Variants in CFAP70 observed in about 807,000 individuals in gnomAD.
CFAP70 encodes cilia and flagella associated protein 70.
CFAP70 carries 81 observed loss-of-function variants against 137.6 expected under a neutral mutation model. That is an observed-to-expected ratio of 0.59 (90% confidence interval 0.49 to 0.71). The LOEUF (loss-of-function observed/expected upper bound fraction) is 0.71, where lower values mean the gene tolerates loss of function less well. CFAP70 is among the 30% of genes least tolerant of loss of function. The pLI is 0.00. For missense variants in CFAP70, 976 were observed against 1,226.7 expected (o/e 0.80, Z 3.05); for synonymous variants, 382 against 423.6 (o/e 0.90, Z 1.20).
chr10:73,330,811 G>A (rs1023702822), intron 8 of CFAP70, among the ~76,000 whole-genome samples: 1 of 152,120 alleles, frequency 6.6e-6, no homozygotes, highest in African/African-American at 2.4e-5. Context: ...GTATATCTAA[G>A]ATCCCTATTA....
intron 8 of CFAP70, among the ~76,000 whole-genome samples, chr10:73,330,752 T>C (rs138395689): frequency 4.6e-5 from 7 of 152,082 alleles, no homozygotes; most frequent in East Asian, 3.9e-4. Context: ...GGTAAAACAA[T>C]AGATAATATG....
At chr10:73,254,895 G>C (rs372312456) in intron 26 of CFAP70, among the ~76,000 whole-genome samples, 10 of 152,150 alleles carry the variant, frequency 6.6e-5, no homozygotes, top group African/African-American at 2.4e-4. Context: ...ACGAGCCCTG[G>C]ACTTTTCATT....
At chr10:73,258,970 G>A (rs11000565) in intron 25 of CFAP70, among the ~76,000 whole-genome samples, 6,775 of 152,114 alleles carry the variant, frequency 0.045, 397 homozygotes, top group African/African-American at 0.13. Context: ...TTCTAATTTC[G>A]CCCTCGTCCT....
At chr10:73,302,795 G>A (rs2049048292) in intron 12 of CFAP70, among the ~76,000 whole-genome samples, 1 of 151,854 alleles carries the variant, frequency 6.6e-6, no homozygotes, top group Admixed American at 6.6e-5. Context: ...TAGCAGTTTG[G>A]TATACCCATG....
chr10:73,308,460 C>T (rs2049592123), intron 12 of CFAP70, among the ~76,000 whole-genome samples: 1 of 151,888 alleles, frequency 6.6e-6, no homozygotes. Flanking sequence ...GAAACCCCGT[C>T]TCTATTAAAA....
Position 73,275,684 on chromosome 10 carries a change from T to G in CFAP70, c.2521-86A>C. ...GAAGGATTCTGTCTCTGATAATAAA[T>G]AATACGAAATGTATTACAGAATGAA... On this transcript the variant is annotated intron_variant, in intron 21 of 26. Coordinates refer to ENST00000310715, the Ensembl canonical transcript of CFAP70. The surrounding 1 kb of genome is among the most constrained non-coding windows in gnomAD (Gnocchi z 4.0). 8.7e-7 allele frequency: 1 copy of G among 1,150,036 alleles called. No individual in the cohort carries two copies. The highest frequency in any genetic ancestry group is 1.2e-6 in the Non-Finnish European group (1 of 843,726). 71.2% of individuals were successfully genotyped at this position (1,150,036 alleles called of 1,614,324 possible). A position where few individuals can be genotyped will look rare whatever the true frequency, so the allele number is the denominator to read the frequency against.
intron 6 of CFAP70, among the ~76,000 whole-genome samples, chr10:73,338,294 C>T (rs533332903): frequency 2.6e-5 from 4 of 151,746 alleles, no homozygotes; most frequent in South Asian, 2.1e-4. Flanking sequence ...GGGATTCAGG[C>T]GCACACCACT....
chr10:73,302,594 G>C (rs2049030834), intron 12 of CFAP70, among the ~76,000 whole-genome samples: 2 of 152,184 alleles, frequency 1.3e-5, no homozygotes, highest in African/African-American at 2.4e-5. Flanking sequence ...GCTTATATGA[G>C]AGGACCTGTT....
At chr10:73,334,471 T>C (rs2052432112) in intron 7 of CFAP70, among the ~76,000 whole-genome samples, 1 of 152,148 alleles carries the variant, frequency 6.6e-6, no homozygotes, top group African/African-American at 2.4e-5. Context: ...CTTTGCACCA[T>C]GATACAACCT....
At chr10:73,341,260 A>G (rs2053224152) in intron 6 of CFAP70, 139 bp downstream of exon 7, 1 of 697,126 alleles carries the variant, frequency 1.4e-6, no homozygotes, top group African/African-American at 1.8e-5. Context: ...TTTGAATCAG[A>G]ATTAGATATG....
chr10:73,331,009 CT>C, intron 8 of CFAP70, among the ~76,000 whole-genome samples, 167 bp downstream of exon 9: 1 of 152,152 alleles, frequency 6.6e-6, no homozygotes, highest in East Asian at 1.9e-4. Context: ...GGACATGAGA[CT>C]TTCAGTGCTA....
At chr10:73,345,699 GGAGGCTGAGGCAGGAGAATCGCTTGA>G (rs777933584) in intron 4 of CFAP70, among the ~76,000 whole-genome samples, 36 of 151,976 alleles carry the variant, frequency 2.4e-4, no homozygotes, top group Non-Finnish European at 4.9e-4. Context: ...CAGCTGCTGG[GGAGGCTGAGGCAGGAGAATCGCTTGA>G]ACCCAGGGAG....
intron 16 of CFAP70, 95 bp from the exon 18 acceptor site, chr10:73,292,109 A>G: frequency 2.1e-6 from 3 of 1,443,442 alleles, no homozygotes; most frequent in Admixed American, 4.2e-5. Flanking sequence ...TGTAAGTTCT[A>G]TGAAAGCACA....
intron 12 of CFAP70, 79 bp downstream of exon 13, chr10:73,310,079 A>G (rs1589434792): frequency 3.5e-6 from 3 of 860,782 alleles, no homozygotes; most frequent in Admixed American, 5.1e-5. Context: ...AAGGGAAATT[A>G]CAATCGTGGG....
chr10:73,272,944 C>G (rs2046428453), exon 24 of CFAP70: 3 of 1,552,464 alleles, frequency 1.9e-6, no homozygotes, highest in Admixed American at 3.9e-5. Context: ...GCAGGCGATT[C>G]CCAGTCCTAG....
intron 9 of CFAP70, among the ~76,000 whole-genome samples, chr10:73,314,690 C>G (rs958316364): frequency 6.6e-6 from 1 of 152,154 alleles, no homozygotes; most frequent in African/African-American, 2.4e-5. Context: ...TCACTGCAAC[C>G]TCTACCTTCT....
chr10:73,274,902 A>T, intron 22 of CFAP70: 1 of 248,428 alleles, frequency 4.0e-6, no homozygotes, highest in Non-Finnish European at 7.5e-6. Flanking sequence ...AAATATAAGA[A>T]ATCTAGAAAA....
At chr10:73,291,503 G>A in intron 18 of CFAP70, 59 bp from the exon 20 acceptor site, 1 of 1,538,442 alleles carries the variant, frequency 6.5e-7, no homozygotes, top group Non-Finnish European at 8.9e-7. Flanking sequence ...ATATACTAAA[G>A]AATTGTATTT....
In CFAP70 at chr10:73,335,677, C is replaced by T. The variant is rs192300076; in HGVS notation, c.583-153G>A. Among the ~76,000 whole-genome samples the T allele has an allele frequency of 3.9e-3, 590 of 151,806 alleles. 3 individuals are homozygous for T. The highest frequency in any genetic ancestry group is 7.2e-3 in the Non-Finnish European group (486 of 67,950). On this transcript the variant is annotated intron_variant, in intron 6 of 26. Coordinates refer to ENST00000310715, the Ensembl canonical transcript of CFAP70. ...ACTACTATTGCAACTACTACCACCA[C>T]CTTAAAATTATGAGTACTTTATTAA...
Sources: allele counts gnomAD v4.1 joint callset (sites outside exome capture counted in the v4.1 genomes callset), GRCh38; gene constraint gnomAD v4.1.1; non-coding constraint Gnocchi (gnomAD v3.1); transcripts MANE v1.5; gene names NCBI Gene and HGNC (gene_info 2026-07-23, HGNC 2026-07-21).